The following PRKN variants were observed in gnomAD, a reference collection of about 807,000 sequenced individuals.
PRKN encodes E3 ubiquitin-protein ligase parkin.
In PRKN, 56 loss-of-function variants were observed where a neutral mutation model predicts 59.5. The ratio of observed to expected loss-of-function variants is 0.94; its 90% CI spans 0.76 to 1.18. The LOEUF (loss-of-function observed/expected upper bound fraction) is 1.18, where lower values mean the gene tolerates loss of function less well. Ranked by LOEUF, PRKN falls within the 50% of genes most tolerant of loss-of-function variation. PRKN has a pLI of 0.00. For missense variants in PRKN, 657 were observed against 596.4 expected (o/e 1.10, Z -1.06); for synonymous variants, 250 against 222.1 (o/e 1.13, Z -1.12).
rs1582966359 is a variant in PRKN at position 162,056,774 on chromosome 6, A to C, written c.535-2600T>G. Among the ~76,000 whole-genome samples, 1 of 152,260 alleles carries C rather than the reference A, an allele frequency of 6.6e-6. No homozygotes were observed. Among genetic ancestry groups the C allele is most frequent in the East Asian group, 1.9e-4 (1 of 5,172 alleles). On this transcript the variant is annotated intron_variant, in intron 4 of 11. Transcript: ENST00000366898. The surrounding 1 kb of genome is among the most constrained non-coding windows in gnomAD (Gnocchi z 4.9). ...CCCTCGGCAAGGCTGGAATTTTGAT[A>C]AGCCCCAGGCAGAGGTGTCTGCATG...
At chr6:161,437,775 C>T (rs1040564927) in intron 9 of PRKN, among the ~76,000 whole-genome samples, 1 of 152,154 alleles carries the variant, frequency 6.6e-6, no homozygotes, top group Admixed American at 6.5e-5. Flanking sequence ...CTACTAAGCT[C>T]ACCTAAGCAG....
At chr6:162,014,129 C>G (rs945677357) in intron 5 of PRKN, among the ~76,000 whole-genome samples, 1 of 152,122 alleles carries the variant, frequency 6.6e-6, no homozygotes, top group African/African-American at 2.4e-5. Flanking sequence ...GGAAATTTAT[C>G]TCACTTGTTT....
intron 7 of PRKN, among the ~76,000 whole-genome samples, chr6:161,635,990 G>T (rs1305557479): frequency 1.3e-5 from 2 of 152,250 alleles, no homozygotes; most frequent in African/African-American, 4.8e-5. Flanking sequence ...ATGCCCCAGG[G>T]CTGTGTCCTC....
At position 161,393,482 on chromosome 6, in the gene PRKN, T is replaced by C. The variant is rs577059475; in HGVS notation, c.1084-6605A>G. On this transcript the variant is annotated intron_variant, in intron 9 of 11. Coordinates refer to ENST00000366898, the MANE Select transcript of PRKN (RefSeq NM_004562.3). This position sits in a 1 kb window ranked among gnomAD's most constrained non-coding sequence, Gnocchi z 4.7. Reference sequence around the variant, plus strand: ...GACGCTCTGTACTACCAGAGAGCTATGTGAATGGCCCATCATGCCTCTCAT... The same window carrying C: ...GACGCTCTGTACTACCAGAGAGCTACGTGAATGGCCCATCATGCCTCTCAT... Among the ~76,000 whole-genome samples, 1 of 152,230 alleles carries C rather than the reference T, an allele frequency of 6.6e-6. No homozygotes were observed. Among genetic ancestry groups the C allele is most frequent in the South Asian group, 2.1e-4 (1 of 4,820 alleles).
intron 2 of PRKN, among the ~76,000 whole-genome samples, chr6:162,303,820 G>C (rs1192269783): frequency 6.6e-6 from 1 of 152,114 alleles, no homozygotes; most frequent in Non-Finnish European, 1.5e-5. Context: ...CTCAGGAAGA[G>C]TAAGCTGGAA....
chr6:162,172,575 G>A (rs1783338021), intron 4 of PRKN, among the ~76,000 whole-genome samples: 1 of 152,148 alleles, frequency 6.6e-6, no homozygotes, highest in Admixed American at 6.5e-5. Flanking sequence ...CTGCAAAATG[G>A]GGATTATAAG....
At chr6:162,554,081 G>A (rs1387036754) in intron 1 of PRKN, among the ~76,000 whole-genome samples, 1 of 152,140 alleles carries the variant, frequency 6.6e-6, no homozygotes, top group Non-Finnish European at 1.5e-5. Flanking sequence ...CATCTAGTTC[G>A]ACTCTGTTAC....
intron 1 of PRKN, among the ~76,000 whole-genome samples, chr6:162,499,235 T>C (rs1380222529): frequency 6.6e-6 from 1 of 152,136 alleles, no homozygotes; most frequent in East Asian, 1.9e-4. Flanking sequence ...CTGCAAGGAA[T>C]AGTTTTCTTC....
At chr6:161,888,413 C>T (rs1211097571) in intron 6 of PRKN, among the ~76,000 whole-genome samples, 1 of 152,146 alleles carries the variant, frequency 6.6e-6, no homozygotes, top group African/African-American at 2.4e-5. Flanking sequence ...ATTCATTCAT[C>T]CAAACTGGCC....
chr6:161,379,564 C>G lies in PRKN; in HGVS notation c.1167+7230G>C, dbSNP rs966057620. On this transcript the variant is annotated intron_variant, in intron 10 of 11. Coordinates refer to ENST00000366898, the MANE Select transcript of PRKN (RefSeq NM_004562.3). This position sits in a 1 kb window ranked among gnomAD's most constrained non-coding sequence, Gnocchi z 4.9. ...CTGGGTATGTCCGCAGCAGACAGCT[C>G]TCTGCCAAGTCTCTACCCGGGAAGT... is the stretch of plus-strand genomic sequence containing the variant. Among the ~76,000 whole-genome samples, 1 of 152,194 alleles carries G rather than the reference C, an allele frequency of 6.6e-6. No homozygotes were observed. Among genetic ancestry groups the G allele is most frequent in the Non-Finnish European group, 1.5e-5 (1 of 68,036 alleles).
rs373944328 is a variant in PRKN at position 162,622,294 on chromosome 6, T to TG, written c.7+105367_7+105368insC. Among the ~76,000 whole-genome samples the TG allele has an allele frequency of 4.2e-3, 543 of 129,080 alleles. 4 individuals are homozygous for TG. The highest frequency in any genetic ancestry group is 0.014 in the African/African-American group (497 of 35,828). The allele number at this position is 129,080 out of a possible 152,430, so 84.7% of individuals were successfully genotyped here. On this transcript the variant is annotated intron_variant, in intron 1 of 11. Coordinates refer to ENST00000366898, the MANE Select transcript of PRKN (RefSeq NM_004562.3). The stretch of plus-strand genomic sequence containing the variant: ...CTATTATTTCCTTTCAAATTCTGTT[T>TG]TTTTTTTTGTTTTGTTTTTTTTTGG...
At chr6:161,515,922 T>G (rs1778570232) in intron 9 of PRKN, among the ~76,000 whole-genome samples, 1 of 152,202 alleles carries the variant, frequency 6.6e-6, no homozygotes. Context: ...ACCTGATAAT[T>G]TCTGGCAAAG....
At chr6:161,669,894 C>T (rs891180947) in intron 7 of PRKN, among the ~76,000 whole-genome samples, 5 of 152,232 alleles carry the variant, frequency 3.3e-5, no homozygotes, top group African/African-American at 1.2e-4. Flanking sequence ...GTCACGTGAG[C>T]CCAGCCTGCA....
chr6:162,345,097 G>A (rs943938717), intron 2 of PRKN, among the ~76,000 whole-genome samples: 2 of 152,168 alleles, frequency 1.3e-5, no homozygotes, highest in Admixed American at 6.5e-5. Context: ...CCAGGCCCCA[G>A]GGCCTCCCAT....
intron 2 of PRKN, among the ~76,000 whole-genome samples, chr6:162,312,855 A>G (rs910253988): frequency 1.3e-5 from 2 of 152,184 alleles, no homozygotes; most frequent in Non-Finnish European, 2.9e-5. Context: ...AGTTTAGAAC[A>G]TTCAGGTTAA....
At chr6:162,569,841 C>G (rs1397302834) in intron 1 of PRKN, 3 of 404,064 alleles carry the variant, frequency 7.4e-6, no homozygotes, top group Non-Finnish European at 9.3e-6. Context: ...GAGGCTCAGC[C>G]CTAGCCCTCA....
At chr6:161,677,909 C>T (rs1374496238) in intron 7 of PRKN, among the ~76,000 whole-genome samples, 1 of 152,122 alleles carries the variant, frequency 6.6e-6, no homozygotes, top group African/African-American at 2.4e-5. Flanking sequence ...TACTCATGGA[C>T]TCAAATTTTC....
chr6:162,619,467 T>C (rs1209149807), intron 1 of PRKN, among the ~76,000 whole-genome samples: 1 of 152,084 alleles, frequency 6.6e-6, no homozygotes, highest in Non-Finnish European at 1.5e-5. Flanking sequence ...GGGGATCTCA[T>C]TCTCCAAAGA....
chr6:161,408,913 T>C (rs1196682950), intron 9 of PRKN, among the ~76,000 whole-genome samples: 2 of 152,172 alleles, frequency 1.3e-5, no homozygotes, highest in Non-Finnish European at 2.9e-5. Context: ...CAGCAAGACT[T>C]GCAGATGCTG....
Sources: allele counts gnomAD v4.1 joint callset (sites outside exome capture counted in the v4.1 genomes callset), GRCh38; gene constraint gnomAD v4.1.1; non-coding constraint Gnocchi (gnomAD v3.1); transcripts MANE v1.5; gene names NCBI Gene and HGNC (gene_info 2026-07-23, HGNC 2026-07-21).